C2orf69: variants seen among roughly 807,000 people sequenced by gnomAD.
C2orf69 encodes the protein mitochondrial protein C2orf69.
Under a neutral mutation model 29.5 loss-of-function variants are expected in C2orf69, and 19 were observed. The observed-to-expected ratio is 0.65, with a 90% CI of 0.45 to 0.95. The LOEUF is 0.95. Ranked by LOEUF, C2orf69 falls within the 40% of genes least tolerant of loss-of-function variation. The pLI is 0.00. For missense variants in C2orf69, 416 were observed against 482.1 expected (o/e 0.86, Z 1.28); for synonymous variants, 194 against 180.0 (o/e 1.08, Z -0.62).
intron 1 of C2orf69, among the ~76,000 whole-genome samples, chr2:199,913,160 T>TTA (rs1327866978): frequency 1.7e-5 from 2 of 118,656 alleles, no homozygotes; most frequent in Non-Finnish European, 3.3e-5. Flanking sequence ...ATATATTATT[T>TTA]TATATATATA....
intron 1 of C2orf69, among the ~76,000 whole-genome samples, chr2:199,913,296 A>G (rs1452226572): frequency 2.9e-5 from 3 of 103,186 alleles, no homozygotes; most frequent in African/African-American, 4.0e-5. Flanking sequence ...TATATAATAT[A>G]TATTCTATTA....
In C2orf69 at chr2:199,927,298, G is replaced by A. The variant is rs2077339066; in HGVS notation, c.*1412G>A. 8.6e-6 allele frequency: 1 copy of A among 116,140 alleles called. No homozygotes were observed. The highest frequency in any genetic ancestry group is 1.7e-5 in the Non-Finnish European group (1 of 59,194). The allele number at this position is 116,140 out of a possible 1,614,324, so 7.2% of individuals were successfully genotyped here. On this transcript the variant is annotated 3_prime_UTR_variant, in exon 2 of 2. Coordinates refer to ENST00000319974, the MANE Select transcript of C2orf69 (RefSeq NM_153689.6). ...TGAAATAGCAGGGAAGTAACATGCT[G>A]CTTTAGGACTAAAAAAAAAAAAAAA...
Position 199,925,588 on chromosome 2 carries a change from A to T in C2orf69, c.860A>T (p.Asp287Val), listed in dbSNP as rs2077332549. 1 of 1,613,838 alleles carries T rather than the reference A, an allele frequency of 6.2e-7. No homozygotes were observed. Among genetic ancestry groups the T allele is most frequent in the Non-Finnish European group, 8.5e-7 (1 of 1,179,862 alleles). The change falls in exon 2 of 2, where the codon GAT becomes GTT. Residue 287 changes from aspartate (D) to valine (V), a missense_variant. Transcript: ENST00000319974. This position sits in a 1 kb window ranked among gnomAD's most constrained non-coding sequence, Gnocchi z 4.9. Reference sequence around the variant, plus strand: ...GAAGCCAAGAAAGACAAGAACATAGATGCTTTTATCAAAAGCATAAGAACA... The same window carrying T: ...GAAGCCAAGAAAGACAAGAACATAGTTGCTTTTATCAAAAGCATAAGAACA... ...LKEAKKDKNIDAFIKSIRTMY... is the reference protein window; with the variant it reads ...LKEAKKDKNIVAFIKSIRTMY...
At chr2:199,911,825 G>T (rs1009197862) in intron 1 of C2orf69, 54 bp downstream of exon 1, 3 of 1,534,204 alleles carry the variant, frequency 2.0e-6, no homozygotes, top group African/African-American at 1.4e-5. Flanking sequence ...ATACGTACGC[G>T]GTCACTGATT....
chr2:199,917,933 CCTCTGAAAACTTACAGTCATGGT>C (rs1288764607), intron 1 of C2orf69, among the ~76,000 whole-genome samples: 1 of 152,154 alleles, frequency 6.6e-6, no homozygotes, highest in Admixed American at 6.5e-5. Context: ...GCTGGGGGTG[CCTCTGAAAACTTACAGTCATGGT>C]GGAAGGGGAA....
chr2:199,911,848 C>A, intron 1 of C2orf69, 77 bp downstream of exon 1: 1 of 1,525,612 alleles, frequency 6.6e-7, no homozygotes, highest in Non-Finnish European at 8.8e-7. Context: ...TCCCTCGTGG[C>A]TGCTGCCTGG....
At chr2:199,922,437 A>AT (rs2077320773) in intron 1 of C2orf69, among the ~76,000 whole-genome samples, 2 of 152,010 alleles carry the variant, frequency 1.3e-5, no homozygotes, top group South Asian at 4.2e-4. Flanking sequence ...AGTGTACTGG[A>AT]TTTTTTAGTC....
At chr2:199,914,831 G>T (rs1049730658) in intron 1 of C2orf69, among the ~76,000 whole-genome samples, 1 of 152,108 alleles carries the variant, frequency 6.6e-6, no homozygotes, top group Admixed American at 6.5e-5. Flanking sequence ...GTCTGCTCAA[G>T]ACTCTGCCTC....
At chr2:199,922,974 C>A (rs185504530) in intron 1 of C2orf69, among the ~76,000 whole-genome samples, 27 of 152,326 alleles carry the variant, frequency 1.8e-4, no homozygotes, top group Admixed American at 3.9e-4. Context: ...TCTCTGCCCC[C>A]CTTTGTGATC....
At position 199,927,039 on chromosome 2, in the gene C2orf69, C is replaced by T. The variant is rs1183785713; in HGVS notation, c.*1153C>T. 1.3e-5 allele frequency: 2 copies of T among 152,456 alleles called. No individual in the cohort carries two copies. Among genetic ancestry groups the T allele is most frequent in the African/African-American group, 2.4e-5 (1 of 41,418 alleles). The allele number at this position is 152,456 out of a possible 1,614,324, so 9.4% of individuals were successfully genotyped here. On this transcript the variant is annotated 3_prime_UTR_variant, in exon 2 of 2. Coordinates refer to ENST00000319974, the MANE Select transcript of C2orf69 (RefSeq NM_153689.6). ...AATTACATTGCTATAAGAAAAGTTACAAGGGAAAGTTTGAAGACACAAATG... is the reference window on the plus strand; with the variant it reads ...AATTACATTGCTATAAGAAAAGTTATAAGGGAAAGTTTGAAGACACAAATG...
At chr2:199,917,389 A>G (rs1228157003) in intron 1 of C2orf69, among the ~76,000 whole-genome samples, 1 of 152,112 alleles carries the variant, frequency 6.6e-6, no homozygotes, top group Non-Finnish European at 1.5e-5. Flanking sequence ...TCCTCAGAAA[A>G]TGGGTTTTTC....
chr2:199,913,317 T>A (rs1191520409), intron 1 of C2orf69, among the ~76,000 whole-genome samples: 1 of 101,882 alleles, frequency 9.8e-6, no homozygotes, highest in Non-Finnish European at 1.8e-5. Context: ...TAATATATAT[T>A]ATATATAATA....
At chr2:199,914,091 G>T (rs948588249) in intron 1 of C2orf69, among the ~76,000 whole-genome samples, 6 of 152,160 alleles carry the variant, frequency 3.9e-5, no homozygotes, top group Non-Finnish European at 5.9e-5. Flanking sequence ...AATGAGTTCT[G>T]GTCCCTTCTT....
In C2orf69 at chr2:199,926,797, A is replaced by G. The variant is rs1315257264; in HGVS notation, c.*911A>G. 1 of 152,642 alleles carries G rather than the reference A, an allele frequency of 6.6e-6. No homozygotes were observed. The highest frequency in any genetic ancestry group is 1.5e-5 in the Non-Finnish European group (1 of 68,032). The allele number at this position is 152,642 out of a possible 1,614,324, so 9.5% of individuals were successfully genotyped here. ...AAATTGCTTTAAATTGAGCATATTT[A>G]TGTATATTGGATAAAAATGTACTAC... On this transcript the variant is annotated 3_prime_UTR_variant, in exon 2 of 2. Coordinates refer to ENST00000319974, the MANE Select transcript of C2orf69 (RefSeq NM_153689.6).
Position 199,918,865 on chromosome 2 carries a change from A to G in C2orf69, c.334-6197A>G, listed in dbSNP as rs372744677. Among the ~76,000 whole-genome samples the G allele has an allele frequency of 2.1e-3, 325 of 152,190 alleles. 1 individual carries two copies. The highest frequency in any genetic ancestry group is 5.6e-3 in the Admixed American group (85 of 15,288). On this transcript the variant is annotated intron_variant, in intron 1 of 1. Coordinates refer to ENST00000319974, the MANE Select transcript of C2orf69 (RefSeq NM_153689.6). ...TTCTAGAATTTTGTTAATTTGTCAT[A>G]TAGTATGTAGTCTTTTGTGTGTGAC... is the stretch of plus-strand genomic sequence containing the variant.
At position 199,911,546 on chromosome 2, in the gene C2orf69, C is replaced by G; in HGVS notation, c.108C>G (p.Gly36=). 6.5e-7 allele frequency: 1 copy of G among 1,549,676 alleles called. No individual in the cohort carries two copies. The highest frequency in any genetic ancestry group is 8.7e-7 in the Non-Finnish European group (1 of 1,146,694). ...CTCAGGCCAGAACCATGAACCCGGGCGGCAGCGGCGGCGCGCGATGCTCCC... is the reference window on the plus strand; with the variant it reads ...CTCAGGCCAGAACCATGAACCCGGGGGGCAGCGGCGGCGCGCGATGCTCCC... The part of the protein sequence containing the change: ...SCSQARTMNP[G]GSGGARCSLS... Residue 36 remains glycine, a synonymous_variant, in exon 1 of 2, where the codon GGC becomes GGG. Transcript: ENST00000319974.
At chr2:199,916,749 A>G (rs1321864276) in intron 1 of C2orf69, among the ~76,000 whole-genome samples, 2 of 152,196 alleles carry the variant, frequency 1.3e-5, no homozygotes, top group African/African-American at 4.8e-5. Context: ...GGTCACACTG[A>G]TGCAAGAGGT....
intron 1 of C2orf69, among the ~76,000 whole-genome samples, chr2:199,915,181 G>A (rs2077288612): frequency 6.6e-6 from 1 of 152,122 alleles, no homozygotes; most frequent in Non-Finnish European, 1.5e-5. Context: ...ATTCTTTTGA[G>A]CCTAATATCT....
intron 1 of C2orf69, among the ~76,000 whole-genome samples, chr2:199,915,055 C>G (rs778165077): frequency 6.6e-6 from 1 of 152,192 alleles, no homozygotes; most frequent in Non-Finnish European, 1.5e-5. Flanking sequence ...CAGTAGATGA[C>G]TTGTATAAAT....
Sources: allele counts gnomAD v4.1 joint callset (sites outside exome capture counted in the v4.1 genomes callset), GRCh38; gene constraint gnomAD v4.1.1; non-coding constraint Gnocchi (gnomAD v3.1); transcripts MANE v1.5; gene names NCBI Gene and HGNC (gene_info 2026-07-23, HGNC 2026-07-21).